GRIN1: variants seen among roughly 807,000 people sequenced by gnomAD.
GRIN1 encodes the protein glutamate receptor ionotropic, NMDA 1.
A neutral mutation model predicts 103.0 loss-of-function variants in GRIN1; 38 were observed. That is an observed-to-expected ratio of 0.37 (90% CI 0.28 to 0.48). The LOEUF is 0.48. Ranked by LOEUF, GRIN1 falls within the 20% of genes least tolerant of loss-of-function variation. The pLI is 0.98. For missense variants in GRIN1, 577 were observed against 1,288.9 expected, an observed-to-expected ratio of 0.45 and a Z score of 8.46; for synonymous variants, 544 against 532.7, an observed-to-expected ratio of 1.02 and a Z score of -0.29.
rs936145787 is a variant in GRIN1 at position 137,149,095 on chromosome 9, C to T, written c.657C>T (p.Ile219=). Residue 219 remains isoleucine, a synonymous_variant, in exon 4 of 20, where the codon ATC becomes ATT. Coordinates refer to ENST00000371561, the MANE Select transcript of GRIN1 (RefSeq NM_007327.4). ...MEAKELEARV[I]ILSASEDDAA... ...CGAAAGAGCTGGAGGCCCGGGTCATCATCCTTTCTGCCAGGTGAGGCTGGG... is the reference window on the plus strand; with the variant it reads ...CGAAAGAGCTGGAGGCCCGGGTCATTATCCTTTCTGCCAGGTGAGGCTGGG... The T allele has an allele frequency of 1.9e-6, 3 of 1,609,356 alleles. No homozygotes were observed. The highest frequency in any genetic ancestry group is 2.2e-5 in the South Asian group (2 of 90,364).
In GRIN1 at chr9:137,139,364, G is replaced by A; in HGVS notation, c.-123G>A. ...CGACGTCCCGGGACCGCCGCTCCGG[G>A]GGAGACGTGGCGTCCGCAGCCCGCG... On this transcript the variant is annotated 5_prime_UTR_variant, in exon 1 of 20. Transcript: ENST00000371561. The surrounding 1 kb of genome is among the most constrained non-coding windows in gnomAD (Gnocchi z 7.7). 3.8e-6 allele frequency: 2 copies of A among 524,982 alleles called. No individual in the cohort carries two copies. The highest frequency in any genetic ancestry group is 5.5e-6 in the Non-Finnish European group (2 of 364,230). The allele number at this position is 524,982 out of a possible 1,614,324, so 32.5% of individuals were successfully genotyped here. A position where few individuals can be genotyped will look rare whatever the true frequency, so the allele number is the denominator to read the frequency against.
At chr9:137,147,848 C>T (rs757759711) in intron 3 of GRIN1, among the ~76,000 whole-genome samples, 33 of 152,298 alleles carry the variant, frequency 2.2e-4, no homozygotes, top group Non-Finnish European at 4.1e-4. Flanking sequence ...AGGGTGGGGG[C>T]GGCAGGTGGG....
chr9:137,149,953 C>A (rs1185902271), intron 4 of GRIN1, among the ~76,000 whole-genome samples: 2 of 152,190 alleles, frequency 1.3e-5, no homozygotes, highest in Non-Finnish European at 2.9e-5. Flanking sequence ...CATCAAATGA[C>A]CCTCTAGCAC....
Position 137,163,649 on chromosome 9 carries a change from T to A in GRIN1, c.2424T>A (p.Leu808=). ...CGCGCAGCAACGCCCCTGCGACCCT[T>A]ACTTTTGAGAACATGGCCGGTGCGT... ...CDSRSNAPAT[L]TFENMAGVFM... is the part of the protein sequence containing the mutation. Residue 808 remains leucine, a synonymous_variant, in exon 17 of 20, where the codon CTT becomes CTA. Transcript: ENST00000371561. 1 of 1,613,586 alleles carries A rather than the reference T, an allele frequency of 6.2e-7. No individual in the cohort carries two copies. The highest frequency in any genetic ancestry group is 8.5e-7 in the Non-Finnish European group (1 of 1,179,800).
At chr9:137,161,630 G>GA (rs1833549309) in intron 10 of GRIN1, among the ~76,000 whole-genome samples, 1 of 124,720 alleles carries the variant, frequency 8.0e-6, no homozygotes, top group Admixed American at 7.8e-5. Context: ...ACATGGGAGG[G>GA]GCCTGACGTG....
chr9:137,164,362 G>C (rs1699691330), intron 18 of GRIN1: 1 of 262,502 alleles, frequency 3.8e-6, no homozygotes, highest in Non-Finnish European at 7.5e-6. Context: ...ATTGGGCCAG[G>C]TCCGGTCCTG....
Position 137,150,058 on chromosome 9 carries a change from T to G in GRIN1, c.671+949T>G, listed in dbSNP as rs540351654. ...AGGCAGGAATCTCCCCAGCCCAAGG[T>G]AGGGTTGTTGCTTAGAGCTGCCCAC... On this transcript the variant is annotated intron_variant, in intron 4 of 19. Transcript: ENST00000371561. Among the ~76,000 whole-genome samples, 48 of 152,086 alleles carry G rather than the reference T, an allele frequency of 3.2e-4. No individual in the cohort carries two copies. The East Asian group carries it at 8.1e-3, about 26-fold the overall frequency.
At position 137,161,064 on chromosome 9, in the gene GRIN1, G is replaced by A. The variant is rs548201762; in HGVS notation, c.1206G>A (p.Thr402=). The A allele has an allele frequency of 1.1e-5, 17 of 1,612,840 alleles. No individual in the cohort carries two copies. In the East Asian group the frequency reaches 3.1e-4, roughly 30 times the overall value. Residue 402 remains threonine (T), a synonymous_variant, in exon 9 of 20, where the codon ACG becomes ACA. Coordinates refer to ENST00000371561, the MANE Select transcript of GRIN1 (RefSeq NM_007327.4). The stretch of plus-strand genomic sequence containing the variant: ...CTCCCCTTCCCCCCCAGATTGTGAC[G>A]ATCCACCAGGAGCCCTTCGTGTACG... ...YQMSTRLKIV[T]IHQEPFVYVK... is the part of the protein sequence containing the mutation.
intron 8 of GRIN1, 107 bp from the exon 9 acceptor site, chr9:137,160,949 G>A (rs1216990494): frequency 2.1e-6 from 3 of 1,400,674 alleles, no homozygotes; most frequent in Admixed American, 1.9e-5. Context: ...TGAGGGGTGC[G>A]TCGGGGATTA....
At chr9:137,164,642 A>G (rs925211856) in intron 18 of GRIN1, 8 of 180,052 alleles carry the variant, frequency 4.4e-5, no homozygotes, top group Non-Finnish European at 7.1e-5. Context: ...CTTGGCCCCC[A>G]CAGGTCCCCT....
In GRIN1 at chr9:137,147,486, G is replaced by A. The variant is rs961220038; in HGVS notation, c.571-1523G>A. 4.2e-4 allele frequency among the ~76,000 whole-genome samples: 64 copies of A among 151,386 alleles called. 1 individual carries two copies. The highest frequency in any genetic ancestry group is 1.5e-3 in the African/African-American group (61 of 41,106). On this transcript the variant is annotated intron_variant, in intron 3 of 19. Coordinates refer to ENST00000371561, the MANE Select transcript of GRIN1 (RefSeq NM_007327.4). Reference sequence around the variant, plus strand: ...CATGCACACACGCACACACAAGCACGCACACACGCACATGCACACATGCAC... The same window carrying A: ...CATGCACACACGCACACACAAGCACACACACACGCACATGCACACATGCAC...
chr9:137,163,432 C>T (rs1833673596), intron 16 of GRIN1, 102 bp downstream of exon 16: 2 of 1,485,982 alleles, frequency 1.3e-6, no homozygotes, highest in African/African-American at 2.8e-5. Flanking sequence ...GATTTCCCAC[C>T]CAGGCCGGGC....
Position 137,167,793 on chromosome 9 carries a change from T to C in GRIN1, c.*266T>C, listed in dbSNP as rs1272631986. ...TTGCAGCAGTACCATCCCACTGATA[T>C]CACGGGCCCGCTCAACCTCTCAGAT... is the stretch of plus-strand genomic sequence containing the variant. On this transcript the variant is annotated 3_prime_UTR_variant, in exon 20 of 20. Transcript: ENST00000371561. The C allele has an allele frequency of 1.2e-5, 19 of 1,612,080 alleles. No individual in the cohort carries two copies. In the East Asian group the frequency reaches 3.1e-4, roughly 26 times the overall value.
chr9:137,156,579 T>A (rs1195338834), intron 4 of GRIN1, 90 bp from the exon 5 acceptor site: 2 of 1,523,814 alleles, frequency 1.3e-6, no homozygotes, highest in East Asian at 2.4e-5. Flanking sequence ...GCTGGGCAGG[T>A]CCCTGCTCCA....
At chr9:137,161,695 AGTGGGCGG>A in intron 10 of GRIN1, among the ~76,000 whole-genome samples, 2 of 5,774 alleles carry the variant, frequency 3.5e-4, no homozygotes, top group African/African-American at 7.7e-4. Context: ...GGGGGTCTGG[AGTGGGCGG>A]GACGTGGAGT....
intron 3 of GRIN1, among the ~76,000 whole-genome samples, chr9:137,148,541 C>G (rs1398604047): frequency 6.6e-6 from 1 of 152,234 alleles, no homozygotes; most frequent in Non-Finnish European, 1.5e-5. Context: ...GCCTGGCCAC[C>G]CACTCGCCGG....
chr9:137,145,745 T>C lies in GRIN1; in HGVS notation c.413T>C (p.Leu138Pro), dbSNP rs1309251687. Residue 138 changes from leucine (L) to proline (P), a missense_variant, in exon 3 of 20, where the codon CTG becomes CCG. This residue lies in a region of GRIN1 where 308 missense variants were observed against 553.6 expected (regional missense o/e 0.56). Coordinates refer to ENST00000371561, the MANE Select transcript of GRIN1 (RefSeq NM_007327.4). ...CCGCAGAGCATCCACCTGAGCTTCC[T>C]GCGCACCGTGCCGCCCTACTCCCAC... ...YSDKSIHLSF[L>P]RTVPPYSHQS... The C allele has an allele frequency of 6.2e-7, 1 of 1,613,368 alleles. No homozygotes were observed. The highest frequency in any genetic ancestry group is 1.7e-5 in the Admixed American group (1 of 59,986).
chr9:137,141,005 T>A (rs1267204823), intron 1 of GRIN1, among the ~76,000 whole-genome samples: 1 of 152,134 alleles, frequency 6.6e-6, no homozygotes, highest in South Asian at 2.1e-4. Context: ...CATCTGGGAC[T>A]GGGGAGGGAC....
intron 19 of GRIN1, among the ~76,000 whole-genome samples, chr9:137,166,351 C>A (rs565010739): frequency 6.6e-6 from 1 of 152,370 alleles, no homozygotes; most frequent in East Asian, 1.9e-4. Flanking sequence ...GGCCCAGGCA[C>A]CATGGTGGGG....
Sources: allele counts gnomAD v4.1 joint callset (sites outside exome capture counted in the v4.1 genomes callset), GRCh38; gene constraint gnomAD v4.1.1; regional missense constraint gnomAD v4.1.1; non-coding constraint Gnocchi (gnomAD v3.1); transcripts MANE v1.5; gene names NCBI Gene and HGNC (gene_info 2026-07-23, HGNC 2026-07-21).